Variants in SNX6 observed in about 807,000 individuals in gnomAD.
SNX6 encodes the protein sorting nexin 6.
In SNX6, 34 loss-of-function variants were observed where a neutral mutation model predicts 63.0. That is an observed-to-expected ratio of 0.54 (90% CI 0.41 to 0.72). The LOEUF (loss-of-function observed/expected upper bound fraction) is 0.72, where lower values mean the gene tolerates loss of function less well. Among genes scored for constraint, SNX6 ranks in the 30% least tolerant of loss-of-function variants. SNX6 has a pLI of 0.00. For missense variants in SNX6, 398 were observed against 471.4 expected, an observed-to-expected ratio of 0.84 and a Z score of 1.44; for synonymous variants, 170 against 164.2, an observed-to-expected ratio of 1.04 and a Z score of -0.27.
intron 2 of SNX6, among the ~76,000 whole-genome samples, chr14:34,612,744 C>A (rs1883279169): frequency 6.6e-6 from 1 of 151,734 alleles, no homozygotes; most frequent in Non-Finnish European, 1.5e-5. Flanking sequence ...AGGACATTAT[C>A]CTTATATATA....
At chr14:34,588,739 T>C (rs1421827141) in intron 8 of SNX6, among the ~76,000 whole-genome samples, 1 of 151,742 alleles carries the variant, frequency 6.6e-6, no homozygotes, top group Non-Finnish European at 1.5e-5. Flanking sequence ...ATGCCAGTTC[T>C]CTCCAAATTA....
At position 34,611,200 on chromosome 14, in the gene SNX6, C is replaced by T. The variant is rs143929783; in HGVS notation, c.55-1458G>A. Among the ~76,000 whole-genome samples, 453 of 141,800 alleles carry T rather than the reference C, an allele frequency of 3.2e-3. 3 individuals are homozygous for T. Among genetic ancestry groups the T allele is most frequent in the African/African-American group, 0.01 (403 of 39,950 alleles). 93.0% of individuals were successfully genotyped at this position (141,800 alleles called of 152,430 possible). On this transcript the variant is annotated intron_variant, in intron 2 of 13. Coordinates refer to ENST00000362031, the MANE Select transcript of SNX6 (RefSeq NM_152233.4). ...TAGAGAAGGGGTTTTGCCATGTTGGCCAGGCTGGTCTTGAACTCCTGACCT... is the reference window on the plus strand; with the variant it reads ...TAGAGAAGGGGTTTTGCCATGTTGGTCAGGCTGGTCTTGAACTCCTGACCT...
intron 10 of SNX6, among the ~76,000 whole-genome samples, chr14:34,577,473 A>T (rs1390149306): frequency 6.6e-6 from 1 of 152,140 alleles, no homozygotes; most frequent in African/African-American, 2.4e-5. Context: ...AATTCAATCT[A>T]ATCCTCCTGC....
chr14:34,569,855 C>A (rs1416510322), intron 11 of SNX6, among the ~76,000 whole-genome samples: 4 of 152,132 alleles, frequency 2.6e-5, no homozygotes. Context: ...TGAACATTTG[C>A]ATACAAGTGT....
chr14:34,609,592 G>A, intron 3 of SNX6, 46 bp downstream of exon 3: 2 of 1,196,764 alleles, frequency 1.7e-6, no homozygotes, highest in Non-Finnish European at 1.2e-6. Flanking sequence ...CACATATGTA[G>A]TATAATAAAT....
chr14:34,608,483 A>G (rs1374277479), intron 3 of SNX6, among the ~76,000 whole-genome samples: 1 of 151,986 alleles, frequency 6.6e-6, no homozygotes, highest in African/African-American at 2.4e-5. Context: ...TTTAATAAAT[A>G]TTTTCTATCA....
At position 34,586,732 on chromosome 14, in the gene SNX6, G is replaced by A. The variant is rs755054481; in HGVS notation, c.719-427C>T. On this transcript the variant is annotated intron_variant, in intron 8 of 13. Coordinates refer to ENST00000362031, the MANE Select transcript of SNX6 (RefSeq NM_152233.4). ...CAAACAAAAAAACAAATTGGAGGTC[G>A]GGCGCAGTAGCTCATGCCTGTAATC... is the stretch of plus-strand genomic sequence containing the variant. 2.3e-5 allele frequency among the ~76,000 whole-genome samples: 3 copies of A among 132,224 alleles called. 1 individual carries two copies. Among genetic ancestry groups the A allele is most frequent in the Admixed American group, 7.4e-5 (1 of 13,552 alleles). The allele number at this position is 132,224 out of a possible 152,430, so 86.7% of individuals were successfully genotyped here.
intron 2 of SNX6, among the ~76,000 whole-genome samples, chr14:34,615,940 G>C (rs1034774566): frequency 2.0e-5 from 3 of 151,966 alleles, no homozygotes; most frequent in Non-Finnish European, 4.4e-5. Context: ...TAACATATCT[G>C]AAATAGGAAT....
chr14:34,600,345 T>G (rs1882762182), intron 6 of SNX6, among the ~76,000 whole-genome samples: 1 of 151,828 alleles, frequency 6.6e-6, no homozygotes, highest in Admixed American at 6.6e-5. Context: ...AGGCTGGTCT[T>G]GAACTACTGG....
chr14:34,625,073 G>A (rs1265777320), intron 2 of SNX6, among the ~76,000 whole-genome samples: 1 of 151,848 alleles, frequency 6.6e-6, no homozygotes, highest in African/African-American at 2.4e-5. Flanking sequence ...CCGCCACCAT[G>A]CCCAGCTAAT....
intron 4 of SNX6, among the ~76,000 whole-genome samples, chr14:34,606,722 G>A (rs886366181): frequency 1.3e-5 from 2 of 151,962 alleles, no homozygotes; most frequent in Admixed American, 6.6e-5. Context: ...AGCCACAGGC[G>A]TCAGCCACCG....
chr14:34,572,430 C>G (rs1246278497), intron 11 of SNX6, among the ~76,000 whole-genome samples: 1 of 151,954 alleles, frequency 6.6e-6, no homozygotes, highest in Non-Finnish European at 1.5e-5. Context: ...TTAAAGTCTT[C>G]AAAAGTGAGT....
At chr14:34,564,266 G>A (rs1166426849) in intron 13 of SNX6, among the ~76,000 whole-genome samples, 1 of 152,080 alleles carries the variant, frequency 6.6e-6, no homozygotes, top group East Asian at 1.9e-4. Context: ...GACCTCAGGT[G>A]ATCTGCCCGC....
chr14:34,593,286 T>C, intron 7 of SNX6, 136 bp from the exon 8 acceptor site: 2 of 586,418 alleles, frequency 3.4e-6, no homozygotes, highest in South Asian at 2.3e-5. Flanking sequence ...ATTATACTAA[T>C]TTCACCAACA....
rs758911433 is a variant in SNX6 at position 34,567,693 on chromosome 14, T to C, written c.1160A>G (p.His387Arg). Residue 387 changes from histidine to arginine, a missense_variant, in exon 13 of 14, where the codon CAT becomes CGT. Physicochemically the swap from His to Arg is conservative, Grantham distance 29. Transcript: ENST00000362031. ...TCTTTATTACAACACTACCTTTGCA[T>C]GCTTCAGTTCTAACTCTGCCAGTTC... is the stretch of plus-strand genomic sequence containing the variant. ...LVELAELELKHAKGNLQLLQN... is the reference protein window; with the variant it reads ...LVELAELELKRAKGNLQLLQN... 6.2e-7 allele frequency: 1 copy of C among 1,611,774 alleles called. No individual in the cohort carries two copies. The highest frequency in any genetic ancestry group is 8.5e-7 in the Non-Finnish European group (1 of 1,178,094).
intron 2 of SNX6, among the ~76,000 whole-genome samples, chr14:34,628,891 A>T (rs1422600206): frequency 6.6e-6 from 1 of 152,162 alleles, no homozygotes; most frequent in Admixed American, 6.6e-5. Flanking sequence ...GCTCACTTGT[A>T]CAAGGGACTA....
Position 34,609,652 on chromosome 14 carries a change from T to C in SNX6, c.145A>G (p.Thr49Ala). 1.2e-6 allele frequency: 2 copies of C among 1,606,198 alleles called. No individual in the cohort carries two copies. The highest frequency in any genetic ancestry group is 1.7e-6 in the Non-Finnish European group (2 of 1,174,032). Reference protein sequence around the residue: ...ALSERDKVKFTVHTKSSLPNF... With the variant: ...ALSERDKVKFAVHTKSSLPNF... The stretch of plus-strand genomic sequence containing the variant: ...ATCACATTTACCTTTGTGTGAACAG[T>C]GAATTTTACTTTATCCCGCTCACTA... The change falls in exon 3 of 14, where the codon ACT (threonine) becomes GCT (alanine). Residue 49 changes from threonine to alanine, a missense_variant. By Grantham distance (58) the Thr-to-Ala change is moderately conservative. Coordinates refer to ENST00000362031, the MANE Select transcript of SNX6 (RefSeq NM_152233.4).
chr14:34,568,897 T>G, intron 11 of SNX6: 1 of 1,229,162 alleles, frequency 8.1e-7, no homozygotes. Context: ...CCCATAGATC[T>G]TGGTCATGGA....
At chr14:34,629,502 G>A in intron 2 of SNX6, 1 of 489,410 alleles carries the variant, frequency 2.0e-6, no homozygotes, top group South Asian at 1.5e-5. Context: ...GAGCAAGTTC[G>A]AGATGTCCAC....
Sources: gnomAD v4.1 joint callset for allele counts (sites outside exome capture counted in the v4.1 genomes callset) on GRCh38, gnomAD v4.1.1 for gene constraint, MANE v1.5 for transcripts, NCBI Gene and HGNC (gene_info 2026-07-23, HGNC 2026-07-21) for gene names.